The following NENF variants were observed in gnomAD, a reference collection of about 807,000 sequenced individuals.
NENF encodes the protein neudesin neurotrophic factor, also known as neudesin.
NENF carries 6 observed loss-of-function variants against 14.8 expected under a neutral mutation model. That is an observed-to-expected ratio of 0.40 (90% CI 0.22 to 0.80). The LOEUF is 0.80. Ranked by LOEUF, NENF falls within the 30% of genes least tolerant of loss-of-function variation. NENF has a pLI of 0.34. For missense variants in NENF, 184 were observed against 212.7 expected, an observed-to-expected ratio of 0.87 and a Z score of 0.84; for synonymous variants, 76 against 95.1, an observed-to-expected ratio of 0.80 and a Z score of 1.17.
intron 1 of NENF, among the ~76,000 whole-genome samples, chr1:212,436,965 G>A (rs1662610382): frequency 6.6e-6 from 1 of 151,730 alleles, no homozygotes; most frequent in Non-Finnish European, 1.5e-5. Context: ...CTAAGCAGGT[G>A]TTTTGTGAAT....
chr1:212,440,669 T>A (rs1043020697), intron 1 of NENF, among the ~76,000 whole-genome samples: 5 of 152,172 alleles, frequency 3.3e-5, no homozygotes, highest in African/African-American at 1.2e-4. Flanking sequence ...AAGTGGGCGT[T>A]ACCCTCATAT....
intron 1 of NENF, among the ~76,000 whole-genome samples, chr1:212,441,742 C>T (rs750595973): frequency 2.2e-4 from 34 of 151,762 alleles, no homozygotes; most frequent in Non-Finnish European, 4.3e-4. Flanking sequence ...GCTGACATTG[C>T]GCCATTGCAC....
At chr1:212,434,674 A>G (rs1240850686) in intron 1 of NENF, 4 of 152,208 alleles carry the variant, frequency 2.6e-5, no homozygotes, top group South Asian at 2.1e-4. Flanking sequence ...GAGTAGAACT[A>G]TATGCTGGGT....
Position 212,444,376 on chromosome 1 carries a change from G to A in NENF, c.276G>A (p.Thr92=), listed in dbSNP as rs150200730. The part of the protein sequence containing the change: ...YGRGAPYNAL[T]GKDSTRGVAK... ...GAGGAGCCCCCTACAATGCCTTGAC[G>A]GGGAAGGACTCCACTAGAGGGGTAG... The change falls in exon 3 of 4, where the codon ACG becomes ACA. Residue 92 remains threonine (T), a synonymous_variant. Coordinates refer to ENST00000366988, the MANE Select transcript of NENF (RefSeq NM_013349.5). 217 of 1,606,824 alleles carry A rather than the reference G, an allele frequency of 1.4e-4. No homozygotes were observed. The African/African-American group carries it at 1.9e-3, about 14-fold the overall frequency.
At chr1:212,439,809 G>A (rs903405032) in intron 1 of NENF, among the ~76,000 whole-genome samples, 5 of 150,330 alleles carry the variant, frequency 3.3e-5, no homozygotes, top group African/African-American at 9.8e-5. Context: ...GCAGTGAGCC[G>A]AGATTGTGCC....
At chr1:212,444,518 CGTGTGTGTGTGTGT>C (rs57220444) in intron 3 of NENF, 76 bp downstream of exon 3, 404 of 497,420 alleles carry the variant, frequency 8.1e-4, no homozygotes, top group African/African-American at 6.0e-3. Flanking sequence ...TTTTTCTTTT[CGTGTGTGTGTGTGT>C]GTGTGTGTGT....
chr1:212,434,057 T>C (rs1662566255), intron 1 of NENF, among the ~76,000 whole-genome samples: 1 of 152,182 alleles, frequency 6.6e-6, no homozygotes, highest in African/African-American at 2.4e-5. Flanking sequence ...CCTGAGTTAA[T>C]TGGCCTTATA....
At chr1:212,438,294 T>C (rs1662640497) in intron 1 of NENF, among the ~76,000 whole-genome samples, 2 of 152,248 alleles carry the variant, frequency 1.3e-5, no homozygotes, top group Admixed American at 1.3e-4. Flanking sequence ...CCTGTTATGA[T>C]AGCAGGGTTT....
chr1:212,446,311 G>C lies in NENF; in HGVS notation c.*305G>C, dbSNP rs968327823. 6 of 289,998 alleles carry C rather than the reference G, an allele frequency of 2.1e-5. No homozygotes were observed. The highest frequency in any genetic ancestry group is 3.8e-5 in the Non-Finnish European group (6 of 156,690). 18.0% of individuals were successfully genotyped at this position (289,998 alleles called of 1,614,324 possible). On this transcript the variant is annotated 3_prime_UTR_variant, in exon 4 of 4. Coordinates refer to ENST00000366988, the MANE Select transcript of NENF (RefSeq NM_013349.5). Reference sequence around the variant, plus strand: ...ACTTTATACTTTTCTGTGCTTGACAGATTTTCAGCCATGACCATGTTCACT... The same window carrying C: ...ACTTTATACTTTTCTGTGCTTGACACATTTTCAGCCATGACCATGTTCACT...
intron 1 of NENF, among the ~76,000 whole-genome samples, chr1:212,438,174 C>T (rs1328301567): frequency 6.6e-6 from 1 of 152,136 alleles, no homozygotes; most frequent in Non-Finnish European, 1.5e-5. Flanking sequence ...GTAGTGTGTT[C>T]CAGAGTGCCT....
intron 1 of NENF, among the ~76,000 whole-genome samples, chr1:212,436,169 T>C (rs1662598378): frequency 6.6e-6 from 1 of 152,134 alleles, no homozygotes; most frequent in African/African-American, 2.4e-5. Flanking sequence ...TATATATAGA[T>C]AGATAAATGG....
At position 212,444,336 on chromosome 1, in the gene NENF, C is replaced by A; in HGVS notation, c.239-3C>A. 1 of 1,587,450 alleles carries A rather than the reference C, an allele frequency of 6.3e-7. No homozygotes were observed. Among genetic ancestry groups the A allele is most frequent in the Non-Finnish European group, 8.6e-7 (1 of 1,165,222 alleles). ...TACGTCTCTTCCTTCCTTCCCACTA[C>A]AGAGTTTTATGGACGAGGAGCCCCC... is the stretch of plus-strand genomic sequence containing the variant. On this transcript the variant is annotated splice_region_variant and splice_polypyrimidine_tract_variant and intron_variant, in intron 2 of 3. Transcript: ENST00000366988.
intron 1 of NENF, among the ~76,000 whole-genome samples, chr1:212,435,476 G>T (rs1662588592): frequency 6.6e-6 from 1 of 151,488 alleles, no homozygotes; most frequent in Non-Finnish European, 1.5e-5. Context: ...AGCCTCCCAA[G>T]CCGCTAGTAT....
At position 212,446,147 on chromosome 1, in the gene NENF, G is replaced by A; in HGVS notation, c.*141G>A. ...AGATGCTTACCCTGGAAGAGCAAAT[G>A]CCTCCTGTTGTCCTTGGTCAGGGGT... On this transcript the variant is annotated 3_prime_UTR_variant, in exon 4 of 4. Transcript: ENST00000366988. 1.3e-6 allele frequency: 1 copy of A among 781,710 alleles called. No homozygotes were observed. The highest frequency in any genetic ancestry group is 2.0e-6 in the Non-Finnish European group (1 of 492,744). The allele number at this position is 781,710 out of a possible 1,614,324, so 48.4% of individuals were successfully genotyped here.
chr1:212,445,779 C>T (rs1393394914), intron 3 of NENF, 51 bp from the exon 4 acceptor site: 3 of 1,590,552 alleles, frequency 1.9e-6, no homozygotes, highest in Non-Finnish European at 2.6e-6. Context: ...CAGTGCCAAA[C>T]ACTATCCACT....
intron 1 of NENF, among the ~76,000 whole-genome samples, chr1:212,436,481 G>A (rs1662603873): frequency 6.6e-6 from 1 of 151,788 alleles, no homozygotes; most frequent in Non-Finnish European, 1.5e-5. Context: ...AGCTACTTTT[G>A]GTATTTTTAG....
rs1010046936 is a variant in NENF, at chr1:212,444,370, C to T, written c.270C>T (p.Ala90=). 18 of 1,606,972 alleles carry T rather than the reference C, an allele frequency of 1.1e-5. No individual in the cohort carries two copies. The highest frequency in any genetic ancestry group is 1.5e-5 in the Non-Finnish European group (18 of 1,176,224). The change falls in exon 3 of 4, where the codon GCC becomes GCT. Residue 90 remains alanine (A), a synonymous_variant. Coordinates refer to ENST00000366988, the MANE Select transcript of NENF (RefSeq NM_013349.5). ...EFYGRGAPYN[A]LTGKDSTRGV... ...ATGGACGAGGAGCCCCCTACAATGC[C>T]TTGACGGGGAAGGACTCCACTAGAG...
rs769018067 is a variant in NENF at position 212,442,601 on chromosome 1, G to T, written c.214G>T (p.Val72Leu). The T allele has an allele frequency of 1.2e-6, 2 of 1,613,640 alleles. No individual in the cohort carries two copies. The highest frequency in any genetic ancestry group is 1.7e-6 in the Non-Finnish European group (2 of 1,179,706). The change falls in exon 2 of 4, where the codon GTG becomes TTG. Residue 72 changes from valine to leucine, a missense_variant. Physicochemically the swap from Val to Leu is conservative, Grantham distance 32 (BLOSUM62 1). Coordinates refer to ENST00000366988, the MANE Select transcript of NENF (RefSeq NM_013349.5). ...QPIYLAVKGV[V>L]FDVTSGKEFY... ...CATCTACTTGGCAGTGAAGGGAGTG[G>T]TGTTTGATGTCACCTCCGGAAAGGG...
At chr1:212,437,639 G>T (rs1449463793) in intron 1 of NENF, among the ~76,000 whole-genome samples, 1 of 152,194 alleles carries the variant, frequency 6.6e-6, no homozygotes, top group Non-Finnish European at 1.5e-5. Context: ...GATTTGCGTA[G>T]TTTCTCCAGT....
Sources: allele counts gnomAD v4.1 joint callset (sites outside exome capture counted in the v4.1 genomes callset), GRCh38; gene constraint gnomAD v4.1.1; transcripts MANE v1.5; gene names NCBI Gene and HGNC (gene_info 2026-07-23, HGNC 2026-07-21).